SEZ6: variants seen among roughly 807,000 people sequenced by gnomAD.
SEZ6 encodes the protein seizure protein 6 homolog.
SEZ6 carries 53 observed loss-of-function variants against 101.0 expected under a neutral mutation model. The observed-to-expected ratio is 0.52, with a 90% CI of 0.42 to 0.66. The LOEUF is 0.66. SEZ6 is among the 30% of genes least tolerant of loss of function. The pLI is 0.00. For missense variants in SEZ6, 1,102 were observed against 1,289.4 expected (o/e 0.85, Z 2.23); for synonymous variants, 488 against 512.2 (o/e 0.95, Z 0.64).
chr17:28,979,880 C>CGT (rs3052131), intron 2 of SEZ6, 67 bp from the exon 3 acceptor site: 78,747 of 854,198 alleles, frequency 0.092, 2,559 homozygotes, highest in African/African-American at 0.12. Context: ...AAGGCTGAAC[C>CGT]GTGTGTGTGT....
chr17:28,987,828 T>C (rs536694583), intron 1 of SEZ6, among the ~76,000 whole-genome samples: 132 of 152,312 alleles, frequency 8.7e-4, no homozygotes, highest in Non-Finnish European at 1.7e-3. Context: ...AGAATGGTTA[T>C]GTAACTTGTC....
intron 2 of SEZ6, 38 bp downstream of exon 2, chr17:28,981,333 T>C (rs1167287439): frequency 1.3e-5 from 20 of 1,516,202 alleles, no homozygotes; most frequent in Non-Finnish European, 1.8e-5. Flanking sequence ...GCCTCCCCCA[T>C]CCCCATTTCC....
rs775013432 is a variant in SEZ6, at chr17:28,955,746, A to T, written c.*216T>A. ...GTAGATGCCCCCTGACATGGGCCCA[A>T]TGAAGGGCCCCAAGTGGGCAATGAC... On this transcript the variant is annotated 3_prime_UTR_variant, in exon 17 of 17. Transcript: ENST00000317338. 36 of 697,460 alleles carry T rather than the reference A, an allele frequency of 5.2e-5. No individual in the cohort carries two copies. Among genetic ancestry groups the T allele is most frequent in the Non-Finnish European group, 7.6e-5 (29 of 383,306 alleles). 43.2% of individuals were successfully genotyped at this position (697,460 alleles called of 1,614,324 possible).
At chr17:28,980,835 A>T (rs995583104) in intron 2 of SEZ6, among the ~76,000 whole-genome samples, 5 of 151,494 alleles carry the variant, frequency 3.3e-5, no homozygotes, top group African/African-American at 1.2e-4. Context: ...CATTTTACAG[A>T]TGAGGCTCAG....
At chr17:28,993,764 C>T (rs573460457) in intron 1 of SEZ6, among the ~76,000 whole-genome samples, 1 of 152,214 alleles carries the variant, frequency 6.6e-6, no homozygotes. Flanking sequence ...GGGCCCCAGG[C>T]CAGCATCTTT....
At chr17:28,978,652 C>T (rs961583472) in intron 3 of SEZ6, among the ~76,000 whole-genome samples, 22 of 152,172 alleles carry the variant, frequency 1.4e-4, no homozygotes, top group Middle Eastern at 3.2e-3. Context: ...GAACAAGGGA[C>T]GAAGTGTCTA....
chr17:28,979,577 T>C (rs1598198069), intron 3 of SEZ6, 103 bp downstream of exon 3: 1 of 1,529,858 alleles, frequency 6.5e-7, no homozygotes, highest in East Asian at 2.3e-5. Flanking sequence ...GCCCCACAAT[T>C]GATGCCCCTA....
intron 1 of SEZ6, among the ~76,000 whole-genome samples, chr17:29,003,859 G>A (rs1368577573): frequency 6.6e-6 from 1 of 151,434 alleles, no homozygotes; most frequent in Non-Finnish European, 1.5e-5. Flanking sequence ...GTGCCTCCAT[G>A]GGCACTGGAG....
intron 1 of SEZ6, among the ~76,000 whole-genome samples, chr17:28,999,054 T>A (rs2041580434): frequency 6.6e-6 from 1 of 152,166 alleles, no homozygotes. Flanking sequence ...TTCCTCCCAA[T>A]CAAAGCACCT....
chr17:28,983,318 G>T (rs1346318647), intron 1 of SEZ6, among the ~76,000 whole-genome samples: 1 of 152,154 alleles, frequency 6.6e-6, no homozygotes, highest in Non-Finnish European at 1.5e-5. Context: ...GTTCCATCTA[G>T]GGCAGGGTGA....
chr17:28,959,139 G>A lies in SEZ6; in HGVS notation c.1993C>T (p.Pro665Ser), dbSNP rs768684181. 1.5e-5 allele frequency: 25 copies of A among 1,613,776 alleles called. No individual in the cohort carries two copies. Among genetic ancestry groups the A allele is most frequent in the South Asian group, 2.2e-5 (2 of 91,068 alleles). Residue 665 changes from proline to serine, a missense_variant, in exon 10 of 17, where the codon CCC becomes TCC. Physicochemically the swap from Pro to Ser is moderately conservative, Grantham distance 74. Around this residue, in one of 3 missense-constraint regions of SEZ6, gnomAD observed 556 missense variants for 735.1 expected, o/e 0.76. Transcript: ENST00000317338. This position sits in a 1 kb window ranked among gnomAD's most constrained non-coding sequence, Gnocchi z 4.4. ...GTAAAGAGCTTGAAGTGGCTACGGG[G>A]CCCTGAGTACTGGCCCAGAACCCGG... The part of the protein sequence containing the change: ...TARVLGQYSG[P>S]RSHFKLFTSM...
intron 1 of SEZ6, among the ~76,000 whole-genome samples, chr17:28,994,126 T>C (rs532243114): frequency 6.6e-6 from 1 of 152,324 alleles, no homozygotes; most frequent in South Asian, 2.1e-4. Flanking sequence ...TGTCTGTTCT[T>C]AGGTGTGGAA....
chr17:28,959,937 A>C lies in SEZ6; in HGVS notation c.1577-45T>G, dbSNP rs768554656. 24 of 1,560,516 alleles carry C rather than the reference A, an allele frequency of 1.5e-5. No homozygotes were observed. The East Asian group carries it at 5.5e-4, about 36-fold the overall frequency. ...GCCCAGCTCAGCCTTGACTGGTATT[A>C]AACACAGTGGGCAAGCATCCCCCTA... On this transcript the variant is annotated intron_variant, in intron 7 of 16. Coordinates refer to ENST00000317338, the MANE Select transcript of SEZ6 (RefSeq NM_178860.5). The surrounding 1 kb of genome is among the most constrained non-coding windows in gnomAD (Gnocchi z 4.4).
chr17:28,959,194 A>G lies in SEZ6; in HGVS notation c.1938T>C (p.Leu646=), dbSNP rs1257140767. ...TCAGGTCATCCCCATCATAGAAGGT[A>G]AGCACATCACCAGGGCCTATGCGCA... The part of the protein sequence containing the change: ...RVLRIGPGDV[L]TFYDGDDLTA... The change falls in exon 10 of 17, where the codon CTT becomes CTC. Residue 646 remains leucine (L), a synonymous_variant. Transcript: ENST00000317338. The surrounding 1 kb of genome is among the most constrained non-coding windows in gnomAD (Gnocchi z 4.4). 3.7e-6 allele frequency: 6 copies of G among 1,613,560 alleles called. No individual in the cohort carries two copies. Among genetic ancestry groups the G allele is most frequent in the Non-Finnish European group, 5.1e-6 (6 of 1,179,680 alleles).
intron 1 of SEZ6, among the ~76,000 whole-genome samples, chr17:29,004,725 A>G (rs946936057): frequency 2.0e-5 from 3 of 152,148 alleles, no homozygotes; most frequent in African/African-American, 7.2e-5. Flanking sequence ...GGCAGGTCTC[A>G]ACTCCAAGTG....
chr17:28,970,626 A>G (rs914031977), intron 3 of SEZ6, among the ~76,000 whole-genome samples: 8 of 152,104 alleles, frequency 5.3e-5, no homozygotes, highest in African/African-American at 1.4e-4. Flanking sequence ...TATCGCCGTT[A>G]CTGTGCACCT....
At chr17:28,990,134 C>T (rs1387822496) in intron 1 of SEZ6, among the ~76,000 whole-genome samples, 7 of 152,230 alleles carry the variant, frequency 4.6e-5, no homozygotes, top group Non-Finnish European at 8.8e-5. Context: ...TGAGAGGGGC[C>T]TGAATTCTGC....
intron 4 of SEZ6, among the ~76,000 whole-genome samples, chr17:28,968,786 C>T (rs1567988097): frequency 6.6e-6 from 1 of 152,186 alleles, no homozygotes; most frequent in Non-Finnish European, 1.5e-5. Context: ...CAATGCAAGA[C>T]AATCCCTTGA....
intron 3 of SEZ6, among the ~76,000 whole-genome samples, chr17:28,971,589 AT>A (rs1413686568): frequency 6.6e-6 from 1 of 151,838 alleles, no homozygotes; most frequent in African/African-American, 2.4e-5. Flanking sequence ...GCGAAACTCC[AT>A]TTCAAAACAA....
Sources: allele counts gnomAD v4.1 joint callset (sites outside exome capture counted in the v4.1 genomes callset), GRCh38; gene constraint gnomAD v4.1.1; regional missense constraint gnomAD v4.1.1; non-coding constraint Gnocchi (gnomAD v3.1); transcripts MANE v1.5; gene names NCBI Gene and HGNC (gene_info 2026-07-23, HGNC 2026-07-21).